The following ERC2 variants were observed in gnomAD, a reference collection of about 807,000 sequenced individuals.
The protein encoded by ERC2 is ELKS/RAB6-interacting/CAST family member 2.
ERC2 carries 42 observed loss-of-function variants against 114.8 expected under a neutral mutation model. The ratio of observed to expected loss-of-function variants is 0.37; its 90% confidence interval spans 0.29 to 0.47. The LOEUF is 0.47. Among genes scored for constraint, ERC2 ranks in the 20% least tolerant of loss-of-function variants. The pLI is 0.99. For synonymous variants in ERC2, 454 were observed against 425.5 expected, an observed-to-expected ratio of 1.07 and a Z score of -0.82; for missense variants, 939 against 1,150.7, an observed-to-expected ratio of 0.82 and a Z score of 2.66.
At chr3:56,160,414 C>T (rs1292087130) in intron 4 of ERC2, among the ~76,000 whole-genome samples, 1 of 152,102 alleles carries the variant, frequency 6.6e-6, no homozygotes, top group Admixed American at 6.6e-5. Context: ...TATTTTCTCC[C>T]ATTCTGTAGA....
intron 2 of ERC2, among the ~76,000 whole-genome samples, chr3:56,384,777 C>A (rs1315981215): frequency 1.3e-5 from 2 of 152,116 alleles, no homozygotes; most frequent in Non-Finnish European, 2.9e-5. Context: ...ACTTCCAAAT[C>A]TAATGTCATA....
At chr3:55,612,052 A>C (rs926982798) in intron 17 of ERC2, among the ~76,000 whole-genome samples, 1 of 152,114 alleles carries the variant, frequency 6.6e-6, no homozygotes, top group Non-Finnish European at 1.5e-5. Flanking sequence ...GCCCCTCTCT[A>C]CTGAAATCAT....
intron 2 of ERC2, among the ~76,000 whole-genome samples, chr3:56,408,064 G>A (rs1272412959): frequency 1.3e-5 from 2 of 152,100 alleles, no homozygotes; most frequent in African/African-American, 4.8e-5. Context: ...ATTTTATAAT[G>A]ATGTATTTTT....
intron 12 of ERC2, among the ~76,000 whole-genome samples, chr3:55,960,428 C>T (rs1439660526): frequency 6.6e-6 from 1 of 152,162 alleles, no homozygotes; most frequent in Non-Finnish European, 1.5e-5. Flanking sequence ...CCACAGCTGA[C>T]TTTTACCCTT....
At chr3:56,121,019 T>A (rs1050078421) in intron 6 of ERC2, among the ~76,000 whole-genome samples, 7 of 152,198 alleles carry the variant, frequency 4.6e-5, no homozygotes, top group Admixed American at 1.3e-4. Context: ...ATCATGCAGC[T>A]GGAAGAGCAG....
At chr3:55,706,576 TA>T (rs1214929318) in intron 15 of ERC2, among the ~76,000 whole-genome samples, 47 of 151,922 alleles carry the variant, frequency 3.1e-4, no homozygotes, top group African/African-American at 1.1e-3. Context: ...TATTTTATTT[TA>T]TTTTTTGTAT....
chr3:55,665,788 C>T (rs999385866), intron 17 of ERC2, among the ~76,000 whole-genome samples: 2 of 152,162 alleles, frequency 1.3e-5, no homozygotes, highest in Non-Finnish European at 1.5e-5. Context: ...TGAGAGTTTG[C>T]TGGGCTCCAG....
At chr3:56,110,864 T>C (rs2078921644) in intron 6 of ERC2, among the ~76,000 whole-genome samples, 2 of 152,188 alleles carry the variant, frequency 1.3e-5, no homozygotes, top group South Asian at 4.1e-4. Context: ...AGACTTTGAC[T>C]GCATCTCATG....
chr3:56,463,604 C>T (rs2063413843), intron 1 of ERC2, among the ~76,000 whole-genome samples: 1 of 152,214 alleles, frequency 6.6e-6, no homozygotes, highest in South Asian at 2.1e-4. Context: ...AAGTGCTAAG[C>T]ACAGTGCCTA....
intron 2 of ERC2, among the ~76,000 whole-genome samples, chr3:56,351,721 A>G (rs2058560184): frequency 6.6e-6 from 1 of 152,180 alleles, no homozygotes; most frequent in Admixed American, 6.5e-5. Context: ...GCACAGATGT[A>G]GCTCTGGCAT....
intron 7 of ERC2, among the ~76,000 whole-genome samples, chr3:56,033,073 AAAGAAAGAAAGAAAAGT>A (rs1416019427): frequency 2.0e-5 from 3 of 147,372 alleles, no homozygotes; most frequent in Non-Finnish European, 3.0e-5. Context: ...AGAAAGAAAG[AAAGAAAGAAAGAAAAGT>A]AAAGTAAAGT....
chr3:55,926,535 T>C (rs549537820), intron 13 of ERC2, among the ~76,000 whole-genome samples: 10 of 152,170 alleles, frequency 6.6e-5, no homozygotes, highest in Non-Finnish European at 1.2e-4. Context: ...TCTTCCAGTT[T>C]CACCTGTGAA....
intron 6 of ERC2, among the ~76,000 whole-genome samples, chr3:56,130,439 T>C (rs2080135286): frequency 6.6e-6 from 1 of 152,242 alleles, no homozygotes; most frequent in Non-Finnish European, 1.5e-5. Flanking sequence ...ATTTATAGAA[T>C]TTCCTTTTAG....
chr3:55,865,567 A>T (rs1042761231), intron 14 of ERC2, among the ~76,000 whole-genome samples: 4 of 151,978 alleles, frequency 2.6e-5, no homozygotes, highest in East Asian at 1.9e-4. Flanking sequence ...AATTTTAGGA[A>T]TTTTTTTTCA....
chr3:55,700,065 A>G (rs901153859), intron 15 of ERC2, among the ~76,000 whole-genome samples: 1 of 152,214 alleles, frequency 6.6e-6, no homozygotes, highest in Admixed American at 6.5e-5. Context: ...CTCTCTACGG[A>G]CATTTTAACC....
chr3:56,303,781 T>A (rs1007056132), intron 2 of ERC2, among the ~76,000 whole-genome samples: 3 of 152,176 alleles, frequency 2.0e-5, no homozygotes, highest in Non-Finnish European at 4.4e-5. Context: ...GGGTTGAATG[T>A]GGTCCTAAGT....
intron 14 of ERC2, among the ~76,000 whole-genome samples, chr3:55,834,186 C>T (rs143879952): frequency 0.36 from 54,222 of 151,838 alleles, 12,031 homozygotes; most frequent in African/African-American, 0.63. Context: ...CCACTGTCAA[C>T]GTTAGACAGA....
chr3:55,633,225 C>T (rs555433173), intron 17 of ERC2, among the ~76,000 whole-genome samples: 8 of 152,226 alleles, frequency 5.3e-5, no homozygotes, highest in African/African-American at 1.4e-4. Context: ...AACATAAGGA[C>T]CTAGGAACAC....
At chr3:55,897,955 T>C (rs2063921181) in intron 13 of ERC2, among the ~76,000 whole-genome samples, 1 of 152,204 alleles carries the variant, frequency 6.6e-6, no homozygotes, top group South Asian at 2.1e-4. Context: ...TTGCCTCTGA[T>C]CCTTCTCCTG....
Sources: allele counts gnomAD v4.1 joint callset (sites outside exome capture counted in the v4.1 genomes callset), GRCh38; gene constraint gnomAD v4.1.1; transcripts MANE v1.5; gene names NCBI Gene and HGNC (gene_info 2026-07-23, HGNC 2026-07-21).